SSC5D: variants seen among roughly 807,000 people sequenced by gnomAD.
The protein encoded by SSC5D is soluble scavenger receptor cysteine-rich domain-containing protein SSC5D.
Under a neutral mutation model 104.6 loss-of-function variants are expected in SSC5D, and 106 were observed. The observed-to-expected ratio is 1.01, with a 90% CI of 0.87 to 1.19. The LOEUF (loss-of-function observed/expected upper bound fraction) is 1.19. SSC5D is among the 50% of genes most tolerant of loss of function. The pLI is 0.00. For synonymous variants in SSC5D, 860 were observed against 883.5 expected (o/e 0.97, Z 0.47); for missense variants, 1,993 against 2,153.8 (o/e 0.93, Z 1.48).
chr19:55,512,990 C>T (rs897806860), intron 12 of SSC5D, 21 bp from the exon 13 acceptor site: 8 of 1,551,748 alleles, frequency 5.2e-6, no homozygotes, highest in Non-Finnish European at 7.0e-6. Flanking sequence ...AGACTCAATC[C>T]TCTTCCCCAT....
At chr19:55,513,285 T>C (rs1987799430) in intron 13 of SSC5D, 113 bp downstream of exon 13, 6 of 1,149,866 alleles carry the variant, frequency 5.2e-6, no homozygotes, top group Admixed American at 3.1e-5. Flanking sequence ...AGCAGAAATA[T>C]ACCCTAAAAC....
At chr19:55,490,700 G>C (rs776216846) in intron 5 of SSC5D, 72 bp from the exon 6 acceptor site, 37 of 1,423,690 alleles carry the variant, frequency 2.6e-5, no homozygotes, top group Non-Finnish European at 3.3e-5. Context: ...GTTTCCCCAG[G>C]TGGAAATCGA....
Position 55,488,487 on chromosome 19 carries a change from TC to T in SSC5D, c.-101del. ...CTGCTCCTCCTCGGGCCTGGGCGCC[TC>T]CAGCAGGCACTTCCCTCCCTCCCTC... On this transcript the variant is annotated 5_prime_UTR_variant, in exon 1 of 14. Coordinates refer to ENST00000389623, the MANE Select transcript of SSC5D (RefSeq NM_001144950.2). The T allele has an allele frequency of 9.2e-7, 1 of 1,090,442 alleles. No individual in the cohort carries two copies. 67.5% of individuals were successfully genotyped at this position (1,090,442 alleles called of 1,614,324 possible).
At chr19:55,512,907 G>T (rs1048215268) in intron 12 of SSC5D, 104 bp from the exon 13 acceptor site, 45 of 1,400,842 alleles carry the variant, frequency 3.2e-5, no homozygotes, top group Non-Finnish European at 4.0e-5. Context: ...GTGCAGTTGA[G>T]ACGGGATGAT....
Position 55,517,666 on chromosome 19 carries a change from T to C in SSC5D, c.3390T>C (p.Thr1130=). The change falls in exon 14 of 14, where the codon ACT becomes ACC. Residue 1130 remains threonine (T), a synonymous_variant. Transcript: ENST00000389623. The part of the protein sequence containing the change: ...ESDTTPDLDT[T]PYSSTVSEYS... ...ACACAACCCCAGATTTGGACACAAC[T>C]CCATACTCCAGTACAGTCTCAGAAT... 5.8e-6 allele frequency: 9 copies of C among 1,551,100 alleles called. No homozygotes were observed. The highest frequency in any genetic ancestry group is 7.8e-6 in the Non-Finnish European group (9 of 1,146,890).
chr19:55,496,540 G>A (rs1269527807), intron 8 of SSC5D, among the ~76,000 whole-genome samples: 2 of 152,108 alleles, frequency 1.3e-5, no homozygotes, highest in Non-Finnish European at 2.9e-5. Context: ...GACTGATGCT[G>A]TTCCCAGTTC....
intron 12 of SSC5D, among the ~76,000 whole-genome samples, chr19:55,511,586 T>C (rs181435724): frequency 2.2e-4 from 34 of 152,234 alleles, no homozygotes; most frequent in Non-Finnish European, 1.2e-4. Flanking sequence ...CCTGGGCTCA[T>C]GGGTAAGGAT....
rs771594344 is a variant in SSC5D at position 55,517,405 on chromosome 19, C to A, written c.3129C>A (p.Asp1043Glu). ...CCTTGACGTCCGAGGCGACCTCTGA[C>A]GCTCCGGACACTTCACCACCCACCC... ...HSALTSEATS[D>E]APDTSPPTPD... The change falls in exon 14 of 14, where the codon GAC becomes GAA. Residue 1043 changes from aspartate (D) to glutamate (E), a missense_variant. Physicochemically the swap from Asp to Glu is conservative, Grantham distance 45 (BLOSUM62 2). Around this residue, in one of 6 missense-constraint regions of SSC5D, gnomAD observed 423 missense variants for 409.2 expected, o/e 1.03. Coordinates refer to ENST00000389623, the MANE Select transcript of SSC5D (RefSeq NM_001144950.2). 6.4e-7 allele frequency: 1 copy of A among 1,550,940 alleles called. No individual in the cohort carries two copies. Among genetic ancestry groups the A allele is most frequent in the South Asian group, 1.2e-5 (1 of 84,052 alleles).
Position 55,518,192 on chromosome 19 carries a change from G to GATCCCACCACAACCCCCC in SSC5D, c.3917_3918insTCCCACCACAACCCCCCA (p.Pro1311_Tyr1312insHisProThrThrThrPro), listed in dbSNP as rs747826566. The GATCCCACCACAACCCCCC allele has an allele frequency of 8.8e-7, 1 of 1,136,780 alleles. No individual in the cohort carries two copies. The highest frequency in any genetic ancestry group is 2.9e-5 in the African/African-American group (1 of 35,030). 70.4% of individuals were successfully genotyped at this position (1,136,780 alleles called of 1,614,324 possible). On this transcript the variant is annotated inframe_insertion, in exon 14 of 14. Coordinates refer to ENST00000389623, the MANE Select transcript of SSC5D (RefSeq NM_001144950.2). ...AACCCCTCACCCCACCATGACTCCT[G>GATCCCACCACAACCCCCC]ACCCCACCACGACCCCTTACCCCAC... is the stretch of plus-strand genomic sequence containing the variant.
Position 55,489,062 on chromosome 19 carries a change from G to GCC in SSC5D, c.52+40_52+41dup, listed in dbSNP as rs57080356. ...GTGCCCAGACTCCTCCCATCTGCCC[G>GCC]CCCCCCCCCCCAGGCCTCCCCCTTC... On this transcript the variant is annotated intron_variant, in intron 2 of 13. Coordinates refer to ENST00000389623, the MANE Select transcript of SSC5D (RefSeq NM_001144950.2). 1.6e-4 allele frequency: 142 copies of GCC among 911,994 alleles called. No homozygotes were observed. The East Asian group carries it at 2.3e-3, about 14-fold the overall frequency. 56.5% of individuals were successfully genotyped at this position (911,994 alleles called of 1,614,324 possible). A position where few individuals can be genotyped will look rare whatever the true frequency, so the allele number is the denominator to read the frequency against.
At chr19:55,504,390 C>A in intron 12 of SSC5D, 1 of 1,301,264 alleles carries the variant, frequency 7.7e-7, no homozygotes, top group Non-Finnish European at 9.9e-7. Flanking sequence ...GAGGCGTATG[C>A]GGGGTGGAGT....
At position 55,517,369 on chromosome 19, in the gene SSC5D, T is replaced by G; in HGVS notation, c.3093T>G (p.Thr1031=). ...CCTCTGACTCCAGTCGAGAGCTCAC[T>G]CCCCACTCAGCCTTGACGTCCGAGG... ...ALTSDSSREL[T]PHSALTSEAT... is the part of the protein sequence containing the mutation. Residue 1031 remains threonine (T), a synonymous_variant, in exon 14 of 14, where the codon ACT becomes ACG. Coordinates refer to ENST00000389623, the MANE Select transcript of SSC5D (RefSeq NM_001144950.2). 1.3e-6 allele frequency: 2 copies of G among 1,549,920 alleles called. No homozygotes were observed. Among genetic ancestry groups the G allele is most frequent in the Non-Finnish European group, 8.7e-7 (1 of 1,146,764 alleles).
At chr19:55,499,465 A>AG (rs1248538048) in intron 9 of SSC5D, among the ~76,000 whole-genome samples, 1 of 152,068 alleles carries the variant, frequency 6.6e-6, no homozygotes, top group Non-Finnish European at 1.5e-5. Context: ...ATTGACAGGG[A>AG]GGTAGGGAGA....
intron 8 of SSC5D, among the ~76,000 whole-genome samples, 199 bp downstream of exon 8, chr19:55,494,982 G>T (rs919040691): frequency 1.3e-5 from 2 of 151,736 alleles, no homozygotes; most frequent in South Asian, 2.1e-4. Context: ...TGAACAAGGG[G>T]TCCTAACTTT....
intron 12 of SSC5D, among the ~76,000 whole-genome samples, chr19:55,509,850 C>CAAAAAAAAAAAAAAAAAAAAAACAA (rs1250937223): frequency 1.3e-5 from 1 of 75,988 alleles, no homozygotes; most frequent in Non-Finnish European, 2.7e-5. Context: ...AACTCTGTCT[C>CAAAAAAAAAAAAAAAAAAAAAACAA]AAAAAAAAAA....
At chr19:55,509,565 C>CTTT (rs34687130) in intron 12 of SSC5D, among the ~76,000 whole-genome samples, 1 of 146,918 alleles carries the variant, frequency 6.8e-6, no homozygotes, top group Non-Finnish European at 1.5e-5. Flanking sequence ...TCTTTTTATT[C>CTTT]TTTTTTTTTT....
At chr19:55,506,576 A>G (rs1478350747) in intron 12 of SSC5D, among the ~76,000 whole-genome samples, 1 of 151,342 alleles carries the variant, frequency 6.6e-6, no homozygotes, top group African/African-American at 2.4e-5. Context: ...TTGTATTTTT[A>G]GTAGAGACGG....
chr19:55,513,705 C>T (rs1987807791), intron 13 of SSC5D, among the ~76,000 whole-genome samples: 1 of 152,176 alleles, frequency 6.6e-6, no homozygotes, highest in Non-Finnish European at 1.5e-5. Flanking sequence ...TGAGAGGCTA[C>T]CCATTGGCAC....
chr19:55,489,060 C>A, intron 2 of SSC5D, 28 bp downstream of exon 2: 10 of 836,044 alleles, frequency 1.2e-5, no homozygotes, highest in Non-Finnish European at 1.5e-5. Context: ...TCCCATCTGC[C>A]CGCCCCCCCC....
Sources: allele counts gnomAD v4.1 joint callset (sites outside exome capture counted in the v4.1 genomes callset), GRCh38; gene constraint gnomAD v4.1.1; regional missense constraint gnomAD v4.1.1; transcripts MANE v1.5; gene names NCBI Gene and HGNC (gene_info 2026-07-23, HGNC 2026-07-21).